Variants in CTNNA2 observed in about 807,000 individuals in gnomAD.
CTNNA2 encodes catenin alpha-2.
Under a neutral mutation model 101.0 loss-of-function variants are expected in CTNNA2, and 42 were observed. The observed-to-expected ratio is 0.42, with a 90% CI of 0.32 to 0.54. The LOEUF (loss-of-function observed/expected upper bound fraction) is 0.54. CTNNA2 is among the 20% of genes least tolerant of loss of function. CTNNA2 has a pLI of 0.14. For missense variants in CTNNA2, 871 were observed against 1,223.1 expected, an observed-to-expected ratio of 0.71 and a Z score of 4.29; for synonymous variants, 450 against 456.4, an observed-to-expected ratio of 0.99 and a Z score of 0.18.
chr2:79,540,036 C>A (rs1332241226), intron 1 of CTNNA2, among the ~76,000 whole-genome samples: 1 of 152,130 alleles, frequency 6.6e-6, no homozygotes, highest in Non-Finnish European at 1.5e-5. Flanking sequence ...TCTGTCCCAC[C>A]AGACTGCAAC....
At chr2:80,125,214 A>C (rs531747653) in intron 7 of CTNNA2, among the ~76,000 whole-genome samples, 1 of 152,048 alleles carries the variant, frequency 6.6e-6, no homozygotes, top group Non-Finnish European at 1.5e-5. Flanking sequence ...AAGATGTGTT[A>C]AGTGTGAAGT....
chr2:80,360,786 T>G (rs1392192457), intron 7 of CTNNA2, among the ~76,000 whole-genome samples: 1 of 152,144 alleles, frequency 6.6e-6, no homozygotes, highest in African/African-American at 2.4e-5. Context: ...CATTTTGACT[T>G]ACTTGCTTTC....
At chr2:80,499,453 G>A (rs1687709134) in intron 9 of CTNNA2, among the ~76,000 whole-genome samples, 1 of 152,006 alleles carries the variant, frequency 6.6e-6, no homozygotes, top group South Asian at 2.1e-4. Flanking sequence ...AAAGAGTGCA[G>A]ACTTGTTTGT....
intron 3 of CTNNA2, among the ~76,000 whole-genome samples, chr2:79,787,038 C>G (rs771167579): frequency 8.5e-5 from 13 of 152,072 alleles, no homozygotes; most frequent in Non-Finnish European, 1.8e-4. Context: ...TCATTCCTGC[C>G]TCTGTGTTCT....
At chr2:79,512,941 C>A (rs1034845140), upstream of CTNNA2, 1 of 151,594 alleles carries the variant, frequency 6.6e-6, no homozygotes, top group Admixed American at 6.6e-5. Context: ...CCCCTAGCGG[C>A]GATCCGGGCC....
chr2:80,449,530 C>T (rs1410027940), intron 9 of CTNNA2, among the ~76,000 whole-genome samples: 1 of 152,108 alleles, frequency 6.6e-6, no homozygotes, highest in East Asian at 1.9e-4. Flanking sequence ...TTTAATGGAT[C>T]CTCCTCTTGG....
At chr2:79,298,646 A>G (rs543218159) in intron 2 of CTNNA2, among the ~76,000 whole-genome samples, 43 of 152,152 alleles carry the variant, frequency 2.8e-4, no homozygotes, top group Non-Finnish European at 4.7e-4. Flanking sequence ...TTCTCTATAT[A>G]CATAATCCCT....
intron 5 of CTNNA2, among the ~76,000 whole-genome samples, chr2:79,505,760 A>G (rs1313517319): frequency 6.6e-6 from 1 of 152,196 alleles, no homozygotes; most frequent in Non-Finnish European, 1.5e-5. Flanking sequence ...GACATTGGAT[A>G]ATCCATAAAT....
At chr2:79,280,321 G>T (rs1177053261) in intron 2 of CTNNA2, among the ~76,000 whole-genome samples, 1 of 152,100 alleles carries the variant, frequency 6.6e-6, no homozygotes, top group African/African-American at 2.4e-5. Flanking sequence ...CTAAAAACAT[G>T]TGAGGGGGAT....
intron 11 of CTNNA2, among the ~76,000 whole-genome samples, chr2:80,546,881 G>T (rs1179089217): frequency 1.3e-5 from 2 of 152,206 alleles, no homozygotes; most frequent in Admixed American, 1.3e-4. Flanking sequence ...TGTTAAAAGA[G>T]CCAGCTGACC....
intron 2 of CTNNA2, among the ~76,000 whole-genome samples, chr2:79,672,715 T>C (rs933873720): frequency 1.0e-4 from 15 of 150,584 alleles, no homozygotes; most frequent in Non-Finnish European, 2.2e-4. Flanking sequence ...TTTCTTTTTT[T>C]TTTTTTTTTT....
chr2:79,428,941 G>A (rs1397441748), intron 4 of CTNNA2, among the ~76,000 whole-genome samples: 1 of 152,094 alleles, frequency 6.6e-6, no homozygotes, highest in Non-Finnish European at 1.5e-5. Flanking sequence ...TGATTGCAGA[G>A]GGCAGGATCA....
intron 7 of CTNNA2, among the ~76,000 whole-genome samples, chr2:80,048,979 GAC>G (rs1465890460): frequency 2.0e-5 from 3 of 152,154 alleles, no homozygotes; most frequent in African/African-American, 7.2e-5. Context: ...ATGGTTAAAA[GAC>G]AGGCTGGGGC....
At chr2:79,527,659 T>C (rs1031076577) in intron 1 of CTNNA2, among the ~76,000 whole-genome samples, 8 of 151,322 alleles carry the variant, frequency 5.3e-5, no homozygotes, top group Non-Finnish European at 8.8e-5. Flanking sequence ...GTGAGAAATA[T>C]GGGGAAATTG....
intron 4 of CTNNA2, among the ~76,000 whole-genome samples, chr2:79,453,756 G>T (rs1670781641): frequency 6.6e-6 from 1 of 152,076 alleles, no homozygotes; most frequent in Non-Finnish European, 1.5e-5. Flanking sequence ...TTAACCCCAA[G>T]AATGCTATAA....
intron 4 of CTNNA2, among the ~76,000 whole-genome samples, chr2:79,480,284 T>C (rs1671095109): frequency 6.6e-6 from 1 of 152,130 alleles, no homozygotes; most frequent in Non-Finnish European, 1.5e-5. Context: ...CTCATTATGC[T>C]CTACCTCCAA....
intron 7 of CTNNA2, among the ~76,000 whole-genome samples, chr2:80,266,874 T>A (rs969379539): frequency 1.3e-5 from 2 of 152,142 alleles, no homozygotes; most frequent in African/African-American, 4.8e-5. Flanking sequence ...TGCCTCCAGA[T>A]GGGCCCCTGT....
intron 7 of CTNNA2, among the ~76,000 whole-genome samples, chr2:80,382,542 G>A (rs1037478036): frequency 6.6e-6 from 1 of 152,192 alleles, no homozygotes; most frequent in South Asian, 2.1e-4. Context: ...GGTAGAGATG[G>A]CTATAGGCAC....
intron 7 of CTNNA2, among the ~76,000 whole-genome samples, chr2:79,942,983 G>A (rs760210668): frequency 2.0e-5 from 3 of 152,118 alleles, no homozygotes; most frequent in Non-Finnish European, 4.4e-5. Context: ...TTGAGAGGCC[G>A]AGGTGGGTGG....
Sources: allele counts gnomAD v4.1 joint callset (sites outside exome capture counted in the v4.1 genomes callset), GRCh38; gene constraint gnomAD v4.1.1; transcripts MANE v1.5; gene names NCBI Gene and HGNC (gene_info 2026-07-23, HGNC 2026-07-21).